The following THNSL2 variants were observed in gnomAD, a reference collection of about 807,000 sequenced individuals.
THNSL2 encodes the protein threonine synthase-like 2.
A neutral mutation model predicts 40.0 loss-of-function variants in THNSL2; 34 were observed. That is an observed-to-expected ratio of 0.85 (90% confidence interval 0.65 to 1.13). The LOEUF (loss-of-function observed/expected upper bound fraction) is 1.13, where lower values mean the gene tolerates loss of function less well. Ranked by LOEUF, THNSL2 falls within the 50% of genes most tolerant of loss-of-function variation. The pLI is 0.00. For missense variants in THNSL2, 537 were observed against 608.8 expected (o/e 0.88, Z 1.24); for synonymous variants, 241 against 247.5 (o/e 0.97, Z 0.25).
rs58404499 is a variant in THNSL2, at chr2:88,177,485, G to C, written c.572-1298G>C. Among the ~76,000 whole-genome samples the C allele has an allele frequency of 3.6e-3, 552 of 152,248 alleles. 6 individuals carry two copies. Among genetic ancestry groups the C allele is most frequent in the African/African-American group, 0.012 (509 of 41,532 alleles). ...AAGTGCTAGGTATTTATTGTTATTT[G>C]AGATGCTTTTGGCTAGAAGTAGCAA... On this transcript the variant is annotated intron_variant, in intron 4 of 8. Transcript: ENST00000674334.
At position 88,174,721 on chromosome 2, in the gene THNSL2, G is replaced by A. The variant is rs1169985649; in HGVS notation, c.306G>A (p.Leu102=). ...GGTTGAGGAATGGGCTGAACGTGTTGGAGCTGTGGCATGGCGTCACATATG... is the reference window on the plus strand; with the variant it reads ...GGTTGAGGAATGGGCTGAACGTGTTAGAGCTGTGGCATGGCGTCACATATG... ...LSRLRNGLNV[L]ELWHGVTYAF... Residue 102 remains leucine (L), a synonymous_variant, in exon 3 of 9, where the codon TTG becomes TTA. Coordinates refer to ENST00000674334, the MANE Select transcript of THNSL2 (RefSeq NM_018271.5). 1.2e-6 allele frequency: 2 copies of A among 1,614,174 alleles called. No homozygotes were observed. Among genetic ancestry groups the A allele is most frequent in the Non-Finnish European group, 1.7e-6 (2 of 1,180,038 alleles).
intron 8 of THNSL2, chr2:88,185,680 G>A (rs1168167652): frequency 1.3e-6 from 2 of 1,551,562 alleles, no homozygotes; most frequent in East Asian, 2.4e-5. Flanking sequence ...CATGGTCAGA[G>A]GTGGTGGCTG....
intron 7 of THNSL2, among the ~76,000 whole-genome samples, chr2:88,184,028 T>G (rs1677992487): frequency 6.6e-6 from 1 of 152,224 alleles, no homozygotes. Flanking sequence ...GTCTTCCCAC[T>G]TCCTTTAGTG....
intron 2 of THNSL2, 118 bp downstream of exon 2, chr2:88,173,491 TTTTA>T: frequency 1.4e-6 from 1 of 706,890 alleles, no homozygotes; most frequent in Non-Finnish European, 2.0e-6. Flanking sequence ...TCAAACTTTG[TTTTA>T]TTTCTTTTCC....
intron 5 of THNSL2, among the ~76,000 whole-genome samples, chr2:88,182,402 G>A (rs186621390): frequency 2.6e-5 from 4 of 152,210 alleles, no homozygotes; most frequent in Admixed American, 6.5e-5. Flanking sequence ...CCATCTGTAC[G>A]TCTTCTTCGA....
Position 88,186,039 on chromosome 2 carries a change from T to C in THNSL2, c.1371T>C (p.Gly457=), listed in dbSNP as rs1678263514. ...KETRCTLMRR[G]DNWMLMLRDT... ...CACGCTGCACCCTGATGCGGAGAGG[T>C]GACAACTGGATGCTGATGCTTCGGG... Residue 457 remains glycine, a synonymous_variant, in exon 9 of 9, where the codon GGT becomes GGC. Transcript: ENST00000674334. The C allele has an allele frequency of 6.3e-7, 1 of 1,599,602 alleles. No individual in the cohort carries two copies. Among genetic ancestry groups the C allele is most frequent in the Admixed American group, 1.7e-5 (1 of 57,826 alleles).
chr2:88,175,639 T>C, intron 4 of THNSL2: 1 of 487,642 alleles, frequency 2.1e-6, no homozygotes, highest in Non-Finnish European at 3.6e-6. Flanking sequence ...ATGCTAAGTA[T>C]GGATTGAAAA....
At chr2:88,182,429 T>C (rs1242060528) in intron 5 of THNSL2, 36 of 291,238 alleles carry the variant, frequency 1.2e-4, no homozygotes. Flanking sequence ...GCCTGTTCTT[T>C]TGCCCATTTT....
intron 4 of THNSL2, among the ~76,000 whole-genome samples, 195 bp from the exon 5 acceptor site, chr2:88,178,588 T>C (rs999121971): frequency 6.6e-6 from 1 of 152,204 alleles, no homozygotes; most frequent in Non-Finnish European, 1.5e-5. Context: ...ATCTGAGGCA[T>C]GATTTCTGTC....
chr2:88,173,736 T>C (rs1173003078), intron 2 of THNSL2, among the ~76,000 whole-genome samples: 1 of 152,122 alleles, frequency 6.6e-6, no homozygotes, highest in African/African-American at 2.4e-5. Context: ...GACCCCCAAA[T>C]TGCTATTTTA....
chr2:88,183,194 A>C (rs1677889487), intron 7 of THNSL2, 121 bp downstream of exon 7: 1 of 1,340,936 alleles, frequency 7.5e-7, no homozygotes, highest in African/African-American at 1.5e-5. Context: ...CTATGAGCCC[A>C]CCACTTTTAC....
At position 88,173,227 on chromosome 2, in the gene THNSL2, A is replaced by G. The variant is rs373551702; in HGVS notation, c.77A>G (p.Asp26Gly). The G allele has an allele frequency of 2.0e-5, 33 of 1,611,238 alleles. No homozygotes were observed. Among genetic ancestry groups the G allele is most frequent in the Non-Finnish European group, 2.7e-5 (32 of 1,179,354 alleles). The change falls in exon 2 of 9, where the codon GAC (aspartate) becomes GGC (glycine). Residue 26 changes from aspartate to glycine, a missense_variant. Physicochemically the swap from Asp to Gly is moderately conservative, Grantham distance 94. Transcript: ENST00000674334. The stretch of plus-strand genomic sequence containing the variant: ...GCCCTCTTCTCTGGCTATGCACCTG[A>G]CGGGGGCCTCTTTATGCCTGAAGAG... ...EGALFSGYAP[D>G]GGLFMPEELP...
intron 5 of THNSL2, 97 bp from the exon 6 acceptor site, chr2:88,182,602 G>A: frequency 1.5e-6 from 2 of 1,365,686 alleles, no homozygotes; most frequent in Middle Eastern, 2.1e-4. Context: ...GCTTCAAAAA[G>A]CACAAAAGTT....
At chr2:88,174,150 G>A (rs942957894) in intron 2 of THNSL2, among the ~76,000 whole-genome samples, 1 of 152,186 alleles carries the variant, frequency 6.6e-6, no homozygotes, top group East Asian at 1.9e-4. Flanking sequence ...GACAGTTTGA[G>A]AAGCTGTGCT....
At position 88,177,874 on chromosome 2, in the gene THNSL2, C is replaced by T. The variant is rs982713920; in HGVS notation, c.572-909C>T. On this transcript the variant is annotated intron_variant, in intron 4 of 8. Coordinates refer to ENST00000674334, the MANE Select transcript of THNSL2 (RefSeq NM_018271.5). ...GTACCAGGCACTGATTGGCTTGGTC[C>T]TGGCAAAGGAATGGAATCACCATGA... is the stretch of plus-strand genomic sequence containing the variant. 2.6e-5 allele frequency among the ~76,000 whole-genome samples: 4 copies of T among 152,314 alleles called. No individual in the cohort carries two copies. The East Asian group carries it at 5.8e-4, about 22-fold the overall frequency.
intron 4 of THNSL2, 114 bp downstream of exon 4, chr2:88,175,515 C>A: frequency 7.3e-7 from 1 of 1,364,832 alleles, no homozygotes; most frequent in Non-Finnish European, 1.0e-6. Context: ...GTCCTCCTTT[C>A]ATCATCATAT....
At chr2:88,176,598 T>C (rs1676964019) in intron 4 of THNSL2, 1 of 152,252 alleles carries the variant, frequency 6.6e-6, no homozygotes, top group South Asian at 2.1e-4. Flanking sequence ...GATAATCCTG[T>C]AGAGGTTATT....
At chr2:88,176,717 GC>G (rs1335891053) in intron 4 of THNSL2, 1 of 152,230 alleles carries the variant, frequency 6.6e-6, no homozygotes, top group Non-Finnish European at 1.5e-5. Flanking sequence ...CAAGCGAACT[GC>G]CCCTCTGCTC....
At chr2:88,177,912 A>G (rs1244704587) in intron 4 of THNSL2, among the ~76,000 whole-genome samples, 2 of 152,218 alleles carry the variant, frequency 1.3e-5, no homozygotes, top group Admixed American at 6.5e-5. Context: ...GGCCCCGGCC[A>G]TTCTGGGTAC....
Sources: allele counts gnomAD v4.1 joint callset (sites outside exome capture counted in the v4.1 genomes callset), GRCh38; gene constraint gnomAD v4.1.1; transcripts MANE v1.5; gene names NCBI Gene and HGNC (gene_info 2026-07-23, HGNC 2026-07-21).